The following FOXJ2 variants were observed in gnomAD, a reference collection of about 807,000 sequenced individuals.
FOXJ2 encodes forkhead box protein J2.
In FOXJ2, 18 loss-of-function variants were observed where a neutral mutation model predicts 68.4. That is an observed-to-expected ratio of 0.26 (90% CI 0.18 to 0.39). The LOEUF (loss-of-function observed/expected upper bound fraction) is 0.39, where lower values mean the gene tolerates loss of function less well. Ranked by LOEUF, FOXJ2 falls within the 10% of genes least tolerant of loss-of-function variation. The probability of loss-of-function intolerance (pLI) is 1.00; values close to 1 mark genes in which losing one functional copy is unlikely to be tolerated. For synonymous variants in FOXJ2, 274 were observed against 263.2 expected (o/e 1.04, Z -0.40); for missense variants, 670 against 726.5 (o/e 0.92, Z 0.89).
intron 10 of FOXJ2, among the ~76,000 whole-genome samples, chr12:8,051,193 G>T (rs762656207): frequency 1.4e-5 from 2 of 144,166 alleles, no homozygotes; most frequent in Non-Finnish European, 3.0e-5. Context: ...ACAGTGGTGC[G>T]ATCTCAGCTC....
Position 8,032,848 on chromosome 12 carries a change from G to A in FOXJ2, c.-1000G>A, listed in dbSNP as rs1266510590. The A allele has an allele frequency of 1.0e-5, 4 of 398,178 alleles. No homozygotes were observed. Among genetic ancestry groups the A allele is most frequent in the African/African-American group, 2.1e-5 (1 of 48,606 alleles). 24.7% of individuals were successfully genotyped at this position (398,178 alleles called of 1,614,324 possible). A position where few individuals can be genotyped will look rare whatever the true frequency, so the allele number is the denominator to read the frequency against. On this transcript the variant is annotated 5_prime_UTR_variant, in exon 1 of 11. Coordinates refer to ENST00000162391, the MANE Select transcript of FOXJ2 (RefSeq NM_018416.3). This position sits in a 1 kb window ranked among gnomAD's most constrained non-coding sequence, Gnocchi z 4.8. The stretch of plus-strand genomic sequence containing the variant: ...CGGGGAGCCCCACGCGCCGAAGGGA[G>A]CGGACCCGACAGGACGGCCCTAGAG...
At chr12:8,050,457 C>T in intron 9 of FOXJ2, 65 bp from the exon 10 acceptor site, 4 of 1,563,594 alleles carry the variant, frequency 2.6e-6, no homozygotes, top group Admixed American at 2.1e-5. Context: ...TTTTTTCTTC[C>T]CTGCTTTGTT....
At chr12:8,050,166 G>A (rs144110267) in intron 9 of FOXJ2, 89 of 242,338 alleles carry the variant, frequency 3.7e-4, no homozygotes, top group African/African-American at 2.0e-3. Context: ...TGTATAGCTG[G>A]GGTTTCACCG....
chr12:8,043,647 G>A, intron 3 of FOXJ2, 54 bp from the exon 4 acceptor site: 11 of 1,557,810 alleles, frequency 7.1e-6, no homozygotes, highest in Non-Finnish European at 9.7e-6. Context: ...CAGAACCCTG[G>A]GAGGTTCTGA....
At chr12:8,036,565 G>T (rs748602887) in intron 1 of FOXJ2, among the ~76,000 whole-genome samples, 1 of 149,570 alleles carries the variant, frequency 6.7e-6, no homozygotes, top group Non-Finnish European at 1.5e-5. Flanking sequence ...ACAGGGCCCT[G>T]GAGAGAGAGG....
In FOXJ2 at chr12:8,035,955, G is replaced by A. The variant is rs897938204; in HGVS notation, c.-15+2122G>A. Among the ~76,000 whole-genome samples, 1 of 152,188 alleles carries A rather than the reference G, an allele frequency of 6.6e-6. No homozygotes were observed. Among genetic ancestry groups the A allele is most frequent in the African/African-American group, 2.4e-5 (1 of 41,444 alleles). On this transcript the variant is annotated intron_variant, in intron 1 of 10. Coordinates refer to ENST00000162391, the MANE Select transcript of FOXJ2 (RefSeq NM_018416.3). The surrounding 1 kb of genome is among the most constrained non-coding windows in gnomAD (Gnocchi z 4.0). ...CATCCTGAAAACCATTGCAGATGCAGTGCAGGCTTTGTAATGCAAACCACT... is the reference window on the plus strand; with the variant it reads ...CATCCTGAAAACCATTGCAGATGCAATGCAGGCTTTGTAATGCAAACCACT...
At position 8,038,794 on chromosome 12, in the gene FOXJ2, C is replaced by T. The variant is rs3782682; in HGVS notation, c.-14-1025C>T. Among the ~76,000 whole-genome samples, 1,520 of 152,306 alleles carry T rather than the reference C, an allele frequency of 1.0e-2. 31 individuals are homozygous for T. The highest frequency in any genetic ancestry group is 0.085 in the East Asian group (442 of 5,182). ...AGGGCGTGCAAGCATCAGGCGTAGG[C>T]GGTCTGGCAGCTCCAGGAGTTTGCA... On this transcript the variant is annotated intron_variant, in intron 1 of 10. Coordinates refer to ENST00000162391, the MANE Select transcript of FOXJ2 (RefSeq NM_018416.3). The surrounding 1 kb of genome is among the most constrained non-coding windows in gnomAD (Gnocchi z 5.3).
chr12:8,038,260 C>T lies in FOXJ2; in HGVS notation c.-14-1559C>T, dbSNP rs879848693. 6.6e-6 allele frequency among the ~76,000 whole-genome samples: 1 copy of T among 151,976 alleles called. No individual in the cohort carries two copies. The highest frequency in any genetic ancestry group is 6.6e-5 in the Admixed American group (1 of 15,266). Reference sequence around the variant, plus strand: ...ACCCCTAGGAGAAAGGCTTAAGGGTCAAGGGCAGAAGAATCACTACCTAGG... The same window carrying T: ...ACCCCTAGGAGAAAGGCTTAAGGGTTAAGGGCAGAAGAATCACTACCTAGG... On this transcript the variant is annotated intron_variant, in intron 1 of 10. Transcript: ENST00000162391. The surrounding 1 kb of genome is among the most constrained non-coding windows in gnomAD (Gnocchi z 5.3).
At chr12:8,048,874 G>C in intron 8 of FOXJ2, 76 bp downstream of exon 8, 1 of 1,224,900 alleles carries the variant, frequency 8.2e-7, no homozygotes, top group Non-Finnish European at 1.2e-6. Flanking sequence ...ACCGGAAGGG[G>C]GTGGTTAAAT....
In FOXJ2 at chr12:8,049,492, C is replaced by T. The variant is rs1158985955; in HGVS notation, c.1458C>T (p.Thr486=). The T allele has an allele frequency of 6.2e-7, 1 of 1,613,894 alleles. No individual in the cohort carries two copies. The highest frequency in any genetic ancestry group is 2.2e-5 in the East Asian group (1 of 44,888). Residue 486 remains threonine, a synonymous_variant, in exon 9 of 11, where the codon ACC becomes ACT. Coordinates refer to ENST00000162391, the MANE Select transcript of FOXJ2 (RefSeq NM_018416.3). The part of the protein sequence containing the change: ...QTGHVPPQGG[T]HRPPAPARIA... Reference sequence around the variant, plus strand: ...GTCACGTGCCCCCTCAAGGGGGTACCCACCGCCCACCAGCCCCTGCCCGTA... The same window carrying T: ...GTCACGTGCCCCCTCAAGGGGGTACTCACCGCCCACCAGCCCCTGCCCGTA...
At position 8,048,740 on chromosome 12, in the gene FOXJ2, A is replaced by G. The variant is rs1301703167; in HGVS notation, c.1269A>G (p.Glu423=). 5 of 1,614,170 alleles carry G rather than the reference A, an allele frequency of 3.1e-6. No homozygotes were observed. Among genetic ancestry groups the G allele is most frequent in the East Asian group, 2.2e-5 (1 of 44,880 alleles). Residue 423 remains glutamate (E), a synonymous_variant, in exon 8 of 11, where the codon GAA becomes GAG. Transcript: ENST00000162391. ...DWCSNIDSLK[E]SFKMVNRLNW... The stretch of plus-strand genomic sequence containing the variant: ...GCTCTAATATTGACTCTTTAAAGGA[A>G]AGCTTCAAGATGGTGAATCGGCTCA...
intron 6 of FOXJ2, among the ~76,000 whole-genome samples, chr12:8,046,402 C>T (rs1242208700): frequency 1.3e-5 from 2 of 152,118 alleles, no homozygotes; most frequent in Non-Finnish European, 2.9e-5. Flanking sequence ...ACTGAGCCTT[C>T]TAAAAATTGG....
Position 8,040,630 on chromosome 12 carries a change from C to T in FOXJ2, c.333+465C>T, listed in dbSNP as rs769661728. ...TAGAGATAGGGTTTCGCTATGTTGGCCAGGCTGGTCTCGAACTCCAGATCT... is the reference window on the plus strand; with the variant it reads ...TAGAGATAGGGTTTCGCTATGTTGGTCAGGCTGGTCTCGAACTCCAGATCT... On this transcript the variant is annotated intron_variant, in intron 2 of 10. Transcript: ENST00000162391. The surrounding 1 kb of genome is among the most constrained non-coding windows in gnomAD (Gnocchi z 4.0). Among the ~76,000 whole-genome samples the T allele has an allele frequency of 6.6e-6, 1 of 152,140 alleles. No individual in the cohort carries two copies. Among genetic ancestry groups the T allele is most frequent in the African/African-American group, 2.4e-5 (1 of 41,482 alleles).
rs943096599 is a variant in FOXJ2, at chr12:8,049,742, A to C, written c.1537+171A>C. On this transcript the variant is annotated intron_variant, in intron 9 of 10. Coordinates refer to ENST00000162391, the MANE Select transcript of FOXJ2 (RefSeq NM_018416.3). ...ATCTGTTGAATCAGTGAAGTCCTAA[A>C]CTGAAAAATGCAAAAGAAATAGACT... 11 of 572,384 alleles carry C rather than the reference A, an allele frequency of 1.9e-5. No homozygotes were observed. In the East Asian group the frequency reaches 3.3e-4, roughly 17 times the overall value. The allele number at this position is 572,384 out of a possible 1,614,324, so 35.5% of individuals were successfully genotyped here.
chr12:8,048,338 C>T lies in FOXJ2; in HGVS notation c.1225+49C>T, dbSNP rs747144932. 15 of 1,507,798 alleles carry T rather than the reference C, an allele frequency of 9.9e-6. No individual in the cohort carries two copies. In the South Asian group the frequency reaches 1.7e-4, roughly 18 times the overall value. 93.4% of individuals were successfully genotyped at this position (1,507,798 alleles called of 1,614,324 possible). ...ATCTAGAGGAGGGTGGGGTGATGTC[C>T]TTGTCCTAACACCGGCATGGAGGTG... On this transcript the variant is annotated intron_variant, in intron 7 of 10. Coordinates refer to ENST00000162391, the MANE Select transcript of FOXJ2 (RefSeq NM_018416.3).
Position 8,039,823 on chromosome 12 carries a change from C to T in FOXJ2, c.-10C>T, listed in dbSNP as rs1462074821. On this transcript the variant is annotated 5_prime_UTR_variant, in exon 2 of 11. Transcript: ENST00000162391. Reference sequence around the variant, plus strand: ...TCCTCTTTGTCTTCTCTGCAGAACCCAGAAGTACCATGGCTTCTGACCTAG... The same window carrying T: ...TCCTCTTTGTCTTCTCTGCAGAACCTAGAAGTACCATGGCTTCTGACCTAG... 3 of 1,607,346 alleles carry T rather than the reference C, an allele frequency of 1.9e-6. No individual in the cohort carries two copies. The highest frequency in any genetic ancestry group is 2.6e-6 in the Non-Finnish European group (3 of 1,175,330).
At chr12:8,043,280 G>A (rs1158901368) in intron 3 of FOXJ2, among the ~76,000 whole-genome samples, 2 of 149,236 alleles carry the variant, frequency 1.3e-5, no homozygotes, top group African/African-American at 4.9e-5. Flanking sequence ...AATACTTAGT[G>A]TAAAGTTGAC....
At chr12:8,036,253 T>A (rs1460244185) in intron 1 of FOXJ2, among the ~76,000 whole-genome samples, 1 of 152,220 alleles carries the variant, frequency 6.6e-6, no homozygotes, top group African/African-American at 2.4e-5. Flanking sequence ...TCATCACACC[T>A]TATTACCTGA....
Position 8,043,687 on chromosome 12 carries a change from G to A in FOXJ2, c.409-14G>A. The A allele has an allele frequency of 6.2e-7, 1 of 1,613,962 alleles. No individual in the cohort carries two copies. The highest frequency in any genetic ancestry group is 8.5e-7 in the Non-Finnish European group (1 of 1,179,902). The stretch of plus-strand genomic sequence containing the variant: ...AACAATTTTGTTTTCTGTGGGAATG[G>A]GATCTCCTTCCAGGGTTCCTATTGG... On this transcript the variant is annotated splice_polypyrimidine_tract_variant and intron_variant, in intron 3 of 10. Transcript: ENST00000162391.
Sources: gnomAD v4.1 joint callset for allele counts (sites outside exome capture counted in the v4.1 genomes callset) on GRCh38, gnomAD v4.1.1 for gene constraint, Gnocchi (gnomAD v3.1) non-coding constraint, MANE v1.5 for transcripts, NCBI Gene and HGNC (gene_info 2026-07-23, HGNC 2026-07-21) for gene names.